The following OSBPL10 variants were observed in gnomAD, a reference collection of about 807,000 sequenced individuals.
The protein encoded by OSBPL10 is oxysterol-binding protein-related protein 10.
Under a neutral mutation model 81.7 loss-of-function variants are expected in OSBPL10, and 49 were observed. The observed-to-expected ratio is 0.60, with a 90% CI of 0.48 to 0.76. OSBPL10 has a LOEUF of 0.76. OSBPL10 is among the 30% of genes least tolerant of loss of function. OSBPL10 has a pLI of 0.00. For missense variants in OSBPL10, 923 were observed against 987.8 expected (o/e 0.93, Z 0.88); for synonymous variants, 419 against 383.6 (o/e 1.09, Z -1.08).
intron 1 of OSBPL10, among the ~76,000 whole-genome samples, chr3:31,931,865 C>T (rs1422799648): frequency 6.6e-6 from 1 of 152,076 alleles, no homozygotes; most frequent in Non-Finnish European, 1.5e-5. Context: ...TCTCTTGAGT[C>T]CCAGAGTTCG....
intron 3 of OSBPL10, among the ~76,000 whole-genome samples, chr3:31,847,057 T>C (rs924478384): frequency 1.3e-5 from 2 of 152,250 alleles, no homozygotes; most frequent in South Asian, 2.1e-4. Context: ...AGATTTCCAA[T>C]TATCCATAAA....
chr3:31,934,447 C>A (rs1250801904), intron 1 of OSBPL10, among the ~76,000 whole-genome samples: 1 of 146,258 alleles, frequency 6.8e-6, no homozygotes, highest in Non-Finnish European at 1.5e-5. Flanking sequence ...CTCGCTCTGG[C>A]GCCCAGGCTG....
chr3:31,740,857 T>TATATATATATATATATATATATATATATA (rs1697322027), intron 5 of OSBPL10, among the ~76,000 whole-genome samples: 1 of 136,390 alleles, frequency 7.3e-6, no homozygotes, highest in African/African-American at 3.4e-5. Context: ...CTACTAGAAT[T>TATATATATATATATATATATATATATATA]TATATATATA....
At position 31,683,909 on chromosome 3, in the gene OSBPL10, C is replaced by T; in HGVS notation, c.1451G>A (p.Gly484Asp). The T allele has an allele frequency of 6.2e-7, 1 of 1,614,238 alleles. No homozygotes were observed. The highest frequency in any genetic ancestry group is 8.5e-7 in the Non-Finnish European group (1 of 1,180,046). ...LAKKPYNPII[G>D]ETFHCSWEVP... is the part of the protein sequence containing the mutation. ...TTCCCAGGAGCAGTGAAATGTCTCGCCTATGATGGGGTTGTAGGGCTTCTT... is the reference window on the plus strand; with the variant it reads ...TTCCCAGGAGCAGTGAAATGTCTCGTCTATGATGGGGTTGTAGGGCTTCTT... Residue 484 changes from glycine (G) to aspartate (D), a missense_variant, in exon 8 of 12, where the codon GGC becomes GAC. By Grantham distance (94) the Gly-to-Asp change is moderately conservative (BLOSUM62 -1). Around this residue, in one of 3 missense-constraint regions of OSBPL10, gnomAD observed 387 missense variants for 436.3 expected, o/e 0.89. Coordinates refer to ENST00000396556, the MANE Select transcript of OSBPL10 (RefSeq NM_017784.5).
In OSBPL10 at chr3:31,683,555, A is replaced by G; in HGVS notation, c.1726+79T>C. The G allele has an allele frequency of 4.6e-6, 7 of 1,520,970 alleles. No homozygotes were observed. In the Admixed American group the frequency reaches 1.2e-4, roughly 26 times the overall value. 94.2% of individuals were successfully genotyped at this position (1,520,970 alleles called of 1,614,324 possible). On this transcript the variant is annotated intron_variant, in intron 8 of 11. Transcript: ENST00000396556. ...AAACAACAACAACAAAAAACTCCAC[A>G]CACAAAATTATCAATCATCTACCAG...
intron 1 of OSBPL10, among the ~76,000 whole-genome samples, chr3:32,055,339 G>A (rs1215874443): frequency 6.6e-6 from 1 of 151,516 alleles, no homozygotes; most frequent in Non-Finnish European, 1.5e-5. Context: ...GAGTATCTGG[G>A]ATTACAGGTG....
At position 31,786,129 on chromosome 3, in the gene OSBPL10, T is replaced by C. The variant is rs562216660; in HGVS notation, c.730-38009A>G. ...CAGTGAGCCACCTTCTAATATTCTT[T>C]TTCCTTTTTTCCACTGGGTTCTTGG... On this transcript the variant is annotated intron_variant, in intron 4 of 11. Coordinates refer to ENST00000396556, the MANE Select transcript of OSBPL10 (RefSeq NM_017784.5). Among the ~76,000 whole-genome samples, 20 of 152,306 alleles carry C rather than the reference T, an allele frequency of 1.3e-4. No individual in the cohort carries two copies. In the East Asian group the frequency reaches 3.5e-3, roughly 26 times the overall value.
chr3:31,748,914 T>A (rs1286018439), intron 4 of OSBPL10, among the ~76,000 whole-genome samples: 1 of 152,158 alleles, frequency 6.6e-6, no homozygotes, highest in Non-Finnish European at 1.5e-5. Flanking sequence ...GTGAAGTTCA[T>A]CCTCCTCATG....
chr3:31,775,829 G>C (rs1698533247), intron 4 of OSBPL10, among the ~76,000 whole-genome samples: 1 of 152,130 alleles, frequency 6.6e-6, no homozygotes, highest in Admixed American at 6.6e-5. Context: ...AGAGAATGCT[G>C]CCACCATGTA....
chr3:31,812,621 G>C (rs1433946764), intron 4 of OSBPL10, among the ~76,000 whole-genome samples: 1 of 151,502 alleles, frequency 6.6e-6, no homozygotes, highest in Non-Finnish European at 1.5e-5. Context: ...TTTTCTGTCA[G>C]TGAGAAATCT....
At chr3:31,892,081 A>T (rs1695908160) in intron 1 of OSBPL10, among the ~76,000 whole-genome samples, 2 of 152,098 alleles carry the variant, frequency 1.3e-5, no homozygotes, top group African/African-American at 4.8e-5. Flanking sequence ...TGAGTCAATT[A>T]GTAGAATTTG....
chr3:31,922,693 G>C (rs1302801594), intron 1 of OSBPL10, among the ~76,000 whole-genome samples: 1 of 152,000 alleles, frequency 6.6e-6, no homozygotes, highest in African/African-American at 2.4e-5. Flanking sequence ...TAAAAAACTG[G>C]AAGGAAAGAG....
intron 2 of OSBPL10, chr3:31,990,289 C>A (rs1447070652): frequency 1.2e-6 from 2 of 1,613,818 alleles, no homozygotes; most frequent in African/African-American, 1.3e-5. Flanking sequence ...TAATGATTGT[C>A]ACAAAGTCTT....
rs746033249 is a variant in OSBPL10, at chr3:31,876,525, A to C, written c.458-13T>G. 39 of 1,600,944 alleles carry C rather than the reference A, an allele frequency of 2.4e-5. No homozygotes were observed. Among genetic ancestry groups the C allele is most frequent in the Non-Finnish European group, 3.2e-5 (37 of 1,168,154 alleles). ...TTTGCATCAGCAGCTAAAATAGAGA[A>C]AACAGAGAAAGAAATGATTGCAGAG... On this transcript the variant is annotated splice_polypyrimidine_tract_variant and intron_variant, in intron 2 of 11. Coordinates refer to ENST00000396556, the MANE Select transcript of OSBPL10 (RefSeq NM_017784.5).
chr3:31,888,678 T>G (rs1695807317), intron 1 of OSBPL10, among the ~76,000 whole-genome samples: 1 of 152,138 alleles, frequency 6.6e-6, no homozygotes, highest in Admixed American at 6.5e-5. Flanking sequence ...CCCAGCACTT[T>G]GGGAGGCTGA....
chr3:31,704,458 C>T (rs562623219), intron 6 of OSBPL10, among the ~76,000 whole-genome samples: 1 of 152,382 alleles, frequency 6.6e-6, no homozygotes, highest in East Asian at 1.9e-4. Flanking sequence ...CCTGGGCATT[C>T]TGCTTTGGGA....
chr3:31,709,063 GT>G, intron 6 of OSBPL10: 17 of 984,234 alleles, frequency 1.7e-5, no homozygotes, highest in Non-Finnish European at 2.1e-5. Context: ...CCATTTGGAG[GT>G]AGATTCAACA....
chr3:31,950,944 C>A (rs1697852478), intron 1 of OSBPL10, among the ~76,000 whole-genome samples: 1 of 152,184 alleles, frequency 6.6e-6, no homozygotes, highest in Non-Finnish European at 1.5e-5. Flanking sequence ...TCTTCACAAC[C>A]ATGAGCCAAA....
intron 1 of OSBPL10, among the ~76,000 whole-genome samples, chr3:31,956,861 G>C (rs2125455057): frequency 6.6e-6 from 1 of 152,256 alleles, no homozygotes; most frequent in East Asian, 1.9e-4. Context: ...GGCCGGGTGT[G>C]GTGGCTCAAG....
Sources: gnomAD v4.1 joint callset for allele counts (sites outside exome capture counted in the v4.1 genomes callset) on GRCh38, gnomAD v4.1.1 for gene constraint, gnomAD v4.1.1 regional missense constraint, MANE v1.5 for transcripts, NCBI Gene and HGNC (gene_info 2026-07-23, HGNC 2026-07-21) for gene names.